The following CACNA1I variants were observed in gnomAD, a reference collection of about 807,000 sequenced individuals.
The protein encoded by CACNA1I is calcium voltage-gated channel subunit alpha1 I, also known as voltage-dependent T-type calcium channel subunit alpha-1I.
CACNA1I carries 74 observed loss-of-function variants against 201.6 expected under a neutral mutation model. That is an observed-to-expected ratio of 0.37 (90% CI 0.30 to 0.45). The LOEUF (loss-of-function observed/expected upper bound fraction) is 0.45. Ranked by LOEUF, CACNA1I falls within the 20% of genes least tolerant of loss-of-function variation. CACNA1I has a pLI of 1.00. For missense variants in CACNA1I, 2,346 were observed against 3,138.1 expected, an observed-to-expected ratio of 0.75 and a Z score of 6.03; for synonymous variants, 1,431 against 1,345.2, an observed-to-expected ratio of 1.06 and a Z score of -1.40.
intron 5 of CACNA1I, among the ~76,000 whole-genome samples, chr22:39,635,636 C>A (rs1934194945): frequency 6.7e-6 from 1 of 149,100 alleles, no homozygotes; most frequent in Non-Finnish European, 1.5e-5. Context: ...TGGGTAAAGG[C>A]CCCAAGTGGG....
chr22:39,678,026 A>G lies in CACNA1I; in HGVS notation c.4973A>G (p.His1658Arg). ...DENPCEGMSR[H>R]ATFENFGMAF... ...AACCCGTGCGAGGGCATGAGCCGGC[A>G]TGCCACCTTCGAGAACTTCGGCATG... Residue 1658 changes from histidine to arginine, a missense_variant, in exon 31 of 37, where the codon CAT becomes CGT. This residue lies in a region of CACNA1I where 64 missense variants were observed against 131.8 expected (regional missense o/e 0.49). Coordinates refer to ENST00000402142, the MANE Select transcript of CACNA1I (RefSeq NM_021096.4). The G allele has an allele frequency of 6.2e-7, 1 of 1,603,060 alleles. No individual in the cohort carries two copies.
At chr22:39,673,114 G>A (rs766528543) in intron 28 of CACNA1I, 32 bp downstream of exon 28, 1 of 1,372,948 alleles carries the variant, frequency 7.3e-7, no homozygotes, top group Non-Finnish European at 9.7e-7. Context: ...AGGGAACGGG[G>A]ACAAGCAGGG....
chr22:39,622,006 G>C (rs1000861562), intron 4 of CACNA1I, among the ~76,000 whole-genome samples: 6 of 152,092 alleles, frequency 3.9e-5, no homozygotes, highest in Middle Eastern at 3.2e-3. Context: ...CTAGTCCAGG[G>C]TCACACAGCA....
intron 1 of CACNA1I, among the ~76,000 whole-genome samples, chr22:39,573,336 G>A (rs894912713): frequency 1.3e-5 from 2 of 152,130 alleles, no homozygotes; most frequent in African/African-American, 4.8e-5. Flanking sequence ...GGGCAATACT[G>A]CTCTGGGCTG....
At chr22:39,581,036 C>T (rs1932530782) in intron 1 of CACNA1I, among the ~76,000 whole-genome samples, 1 of 151,494 alleles carries the variant, frequency 6.6e-6, no homozygotes, top group African/African-American at 2.5e-5. Context: ...GAGGCAGAGC[C>T]ACACCCGAAT....
chr22:39,621,238 T>C (rs1196426519), intron 4 of CACNA1I, among the ~76,000 whole-genome samples: 1 of 152,246 alleles, frequency 6.6e-6, no homozygotes, highest in Non-Finnish European at 1.5e-5. Context: ...GTTTATTTCC[T>C]GGCTGTGTCT....
chr22:39,675,002 C>T (rs752725395), intron 29 of CACNA1I, among the ~76,000 whole-genome samples: 4 of 152,186 alleles, frequency 2.6e-5, no homozygotes, highest in Non-Finnish European at 4.4e-5. Context: ...CATTCAGAGA[C>T]GTGGTTTTTC....
rs572135221 is a variant in CACNA1I, at chr22:39,687,344, AC to A, written c.*942del. ...GTGGCTTGCTTGGAGGGGCTAGGGT[AC>A]CCGCCTGGTCTCGGCTGGCTCCAGC... On this transcript the variant is annotated 3_prime_UTR_variant, in exon 37 of 37. Transcript: ENST00000402142. 4.8e-3 allele frequency: 718 copies of A among 150,014 alleles called. 5 individuals are homozygous for A. Among genetic ancestry groups the A allele is most frequent in the Non-Finnish European group, 5.0e-3 (337 of 67,902 alleles). 9.3% of individuals were successfully genotyped at this position (150,014 alleles called of 1,614,324 possible). A position where few individuals can be genotyped will look rare whatever the true frequency, so the allele number is the denominator to read the frequency against.
In CACNA1I at chr22:39,666,117, C is replaced by A; in HGVS notation, c.4104+111C>A. Reference sequence around the variant, plus strand: ...GCACTGCCAGGACTGACACTGACTTCTCCTCTCCAAGCCTCAGTTTCCTCT... The same window carrying A: ...GCACTGCCAGGACTGACACTGACTTATCCTCTCCAAGCCTCAGTTTCCTCT... On this transcript the variant is annotated intron_variant, in intron 23 of 36. Transcript: ENST00000402142. This position sits in a 1 kb window ranked among gnomAD's most constrained non-coding sequence, Gnocchi z 4.1. The A allele has an allele frequency of 1.5e-6, 2 of 1,343,920 alleles. No individual in the cohort carries two copies. Among genetic ancestry groups the A allele is most frequent in the South Asian group, 2.7e-5 (2 of 73,712 alleles). 83.2% of individuals were successfully genotyped at this position (1,343,920 alleles called of 1,614,324 possible).
rs567020647 is a variant in CACNA1I at position 39,662,725 on chromosome 22, C to G, written c.3373-51C>G. The stretch of plus-strand genomic sequence containing the variant: ...GCGCGATGGCCGCATGGGCGGAGAC[C>G]GGCAACCCTGCGCATCGCTGACCCC... On this transcript the variant is annotated intron_variant, in intron 17 of 36. Transcript: ENST00000402142. 303 of 1,338,622 alleles carry G rather than the reference C, an allele frequency of 2.3e-4. 1 individual carries two copies. The East Asian group carries it at 7.4e-3, about 32-fold the overall frequency. The allele number at this position is 1,338,622 out of a possible 1,614,324, so 82.9% of individuals were successfully genotyped here.
At chr22:39,592,099 G>T (rs1213329200) in intron 1 of CACNA1I, among the ~76,000 whole-genome samples, 1 of 152,210 alleles carries the variant, frequency 6.6e-6, no homozygotes. Context: ...CTGTGCTGAG[G>T]CGCTGGGGGG....
At chr22:39,612,712 A>G (rs957274201) in intron 3 of CACNA1I, among the ~76,000 whole-genome samples, 2 of 152,216 alleles carry the variant, frequency 1.3e-5, no homozygotes, top group Non-Finnish European at 2.9e-5. Context: ...CAATGTATGA[A>G]TTTTAAGTGG....
intron 6 of CACNA1I, among the ~76,000 whole-genome samples, chr22:39,642,578 C>A (rs762872755): frequency 1.2e-4 from 19 of 152,208 alleles, no homozygotes; most frequent in Non-Finnish European, 2.9e-5. Context: ...CGTCCCCTTC[C>A]TGGCTGTGTG....
chr22:39,659,919 G>A lies in CACNA1I; in HGVS notation c.2604+67G>A. On this transcript the variant is annotated intron_variant, in intron 14 of 36. Coordinates refer to ENST00000402142, the MANE Select transcript of CACNA1I (RefSeq NM_021096.4). The surrounding 1 kb of genome is among the most constrained non-coding windows in gnomAD (Gnocchi z 4.3). ...GCGAAAGACTGGGCGAGGGAGAGGTGGCCTGGATGGGGGAGGGCTGCAATT... is the reference window on the plus strand; with the variant it reads ...GCGAAAGACTGGGCGAGGGAGAGGTAGCCTGGATGGGGGAGGGCTGCAATT... 1 of 1,581,128 alleles carries A rather than the reference G, an allele frequency of 6.3e-7. No homozygotes were observed. Among genetic ancestry groups the A allele is most frequent in the Non-Finnish European group, 8.7e-7 (1 of 1,152,546 alleles).
At chr22:39,573,286 G>A (rs1932243883) in intron 1 of CACNA1I, among the ~76,000 whole-genome samples, 1 of 152,184 alleles carries the variant, frequency 6.6e-6, no homozygotes, top group African/African-American at 2.4e-5. Flanking sequence ...GTGACCATGA[G>A]TAAGTCACTT....
chr22:39,591,094 C>T (rs1472231512), intron 1 of CACNA1I, among the ~76,000 whole-genome samples: 1 of 151,820 alleles, frequency 6.6e-6, no homozygotes, highest in Non-Finnish European at 1.5e-5. Flanking sequence ...TCAAGTGATC[C>T]TCCTGCCTTG....
chr22:39,616,665 G>A (rs1341609957), intron 3 of CACNA1I, among the ~76,000 whole-genome samples: 1 of 151,658 alleles, frequency 6.6e-6, no homozygotes, highest in Non-Finnish European at 1.5e-5. Context: ...TCAGGAGGCT[G>A]AGGCAGGAGA....
rs1935510652 is a variant in CACNA1I, at chr22:39,676,272, CG to C, written c.4855-1066del. On this transcript the variant is annotated intron_variant, in intron 29 of 36. Transcript: ENST00000402142. This position sits in a 1 kb window ranked among gnomAD's most constrained non-coding sequence, Gnocchi z 4.8. The stretch of plus-strand genomic sequence containing the variant: ...GGTCAGGGCCTTACAGTTGGCCTCA[CG>C]GGTGCTCAGTAAGTGCTTGTTTTAT... Among the ~76,000 whole-genome samples, 1 of 152,188 alleles carries C rather than the reference CG, an allele frequency of 6.6e-6. No individual in the cohort carries two copies. The highest frequency in any genetic ancestry group is 6.5e-5 in the Admixed American group (1 of 15,288).
chr22:39,595,526 G>A (rs1932872101), intron 1 of CACNA1I, among the ~76,000 whole-genome samples: 1 of 151,942 alleles, frequency 6.6e-6, no homozygotes, highest in Admixed American at 6.6e-5. Flanking sequence ...TTGGGAGGCT[G>A]AGGCAGGAGA....
Sources: allele counts gnomAD v4.1 joint callset (sites outside exome capture counted in the v4.1 genomes callset), GRCh38; gene constraint gnomAD v4.1.1; regional missense constraint gnomAD v4.1.1; non-coding constraint Gnocchi (gnomAD v3.1); transcripts MANE v1.5; gene names NCBI Gene and HGNC (gene_info 2026-07-23, HGNC 2026-07-21).